TMCO4: variants seen among roughly 807,000 people sequenced by gnomAD.
The protein encoded by TMCO4 is transmembrane and coiled-coil domain-containing protein 4.
A neutral mutation model predicts 64.7 loss-of-function variants in TMCO4; 58 were observed. That is an observed-to-expected ratio of 0.90 (90% CI 0.73 to 1.12). The LOEUF is 1.12. TMCO4 is among the 50% of genes most tolerant of loss of function. The pLI, the probability that TMCO4 is intolerant of heterozygous loss-of-function variation, is 0.00. For synonymous variants in TMCO4, 325 were observed against 346.1 expected (o/e 0.94, Z 0.68); for missense variants, 780 against 825.9 (o/e 0.94, Z 0.68).
At chr1:19,765,023 G>C (rs1453122712) in intron 6 of TMCO4, among the ~76,000 whole-genome samples, 2 of 152,098 alleles carry the variant, frequency 1.3e-5, no homozygotes, top group African/African-American at 4.8e-5. Context: ...GTCTGCGGTA[G>C]AGAGTGCCGT....
chr1:19,684,705 C>T (rs1304174123), intron 15 of TMCO4, among the ~76,000 whole-genome samples: 1 of 152,148 alleles, frequency 6.6e-6, no homozygotes, highest in Non-Finnish European at 1.5e-5. Context: ...TAGCTGGGCA[C>T]ACTCCCCAGG....
intron 2 of TMCO4, among the ~76,000 whole-genome samples, chr1:19,796,050 A>G (rs2044292006): frequency 6.6e-6 from 1 of 152,178 alleles, no homozygotes; most frequent in African/African-American, 2.4e-5. Flanking sequence ...CCCTGTCCAA[A>G]TAGTGCCCTT....
At chr1:19,727,068 G>T (rs1033780029) in intron 13 of TMCO4, among the ~76,000 whole-genome samples, 1 of 152,240 alleles carries the variant, frequency 6.6e-6, no homozygotes, top group East Asian at 1.9e-4. Context: ...GTTCAGCCCC[G>T]GATGGGTTTC....
intron 7 of TMCO4, among the ~76,000 whole-genome samples, chr1:19,755,123 TTTC>T (rs1266429497): frequency 5.9e-4 from 90 of 152,110 alleles, no homozygotes; most frequent in African/African-American, 2.1e-3. Flanking sequence ...CATTCCATCT[TTTC>T]TTTTCTTTTC....
At chr1:19,731,622 C>T (rs548525649) in intron 13 of TMCO4, among the ~76,000 whole-genome samples, 18 of 152,338 alleles carry the variant, frequency 1.2e-4, no homozygotes, top group African/African-American at 4.1e-4. Flanking sequence ...TGTACCTTGC[C>T]GCGTCCTGCA....
intron 7 of TMCO4, among the ~76,000 whole-genome samples, chr1:19,753,724 A>G (rs1165359176): frequency 6.6e-6 from 1 of 152,212 alleles, no homozygotes; most frequent in Non-Finnish European, 1.5e-5. Flanking sequence ...AGCAGAATCA[A>G]ACTGAGAGCC....
At chr1:19,711,082 T>A (rs2095328708) in intron 13 of TMCO4, among the ~76,000 whole-genome samples, 2 of 152,206 alleles carry the variant, frequency 1.3e-5, no homozygotes, top group African/African-American at 4.8e-5. Context: ...AATAGAACTT[T>A]GAGAAATATA....
intron 14 of TMCO4, among the ~76,000 whole-genome samples, chr1:19,697,499 T>A (rs2095244492): frequency 6.6e-6 from 1 of 151,982 alleles, no homozygotes; most frequent in South Asian, 2.1e-4. Context: ...AGTGGCACGA[T>A]CTTGGCTCAC....
chr1:19,784,757 A>G lies in TMCO4; in HGVS notation c.-9+2269T>C, dbSNP rs115005016. On this transcript the variant is annotated intron_variant, in intron 3 of 15. Coordinates refer to ENST00000294543, the MANE Select transcript of TMCO4 (RefSeq NM_181719.7). ...TATGATGGCCTAAGAGGGGTGTCCA[A>G]TCTTTTGGCTTCCCTGGGCTACACT... 9.4e-3 allele frequency among the ~76,000 whole-genome samples: 1,176 copies of G among 124,996 alleles called. 18 individuals are homozygous for G. The highest frequency in any genetic ancestry group is 0.035 in the African/African-American group (1,103 of 31,832). The allele number at this position is 124,996 out of a possible 152,430, so 82.0% of individuals were successfully genotyped here.
chr1:19,745,562 C>A lies in TMCO4; in HGVS notation c.847G>T (p.Val283Phe), dbSNP rs749302097. ...TTGCCAGAAGCGAGCCACCCCGTGACGGCGATGGTGATGTGCAGCTGCCTG... is the reference window on the plus strand; with the variant it reads ...TTGCCAGAAGCGAGCCACCCCGTGAAGGCGATGGTGATGTGCAGCTGCCTG... ...EGRQLHITIA[V>F]TGWLASGKYR... is the part of the protein sequence containing the mutation. The change falls in exon 10 of 16, where the codon GTC becomes TTC. Residue 283 changes from valine to phenylalanine, a missense_variant. Coordinates refer to ENST00000294543, the MANE Select transcript of TMCO4 (RefSeq NM_181719.7). 1 of 1,614,168 alleles carries A rather than the reference C, an allele frequency of 6.2e-7. No homozygotes were observed. The highest frequency in any genetic ancestry group is 2.2e-5 in the East Asian group (1 of 44,870).
At chr1:19,762,535 C>A (rs2042552507) in intron 6 of TMCO4, among the ~76,000 whole-genome samples, 1 of 152,212 alleles carries the variant, frequency 6.6e-6, no homozygotes, top group African/African-American at 2.4e-5. Context: ...GCTGTGTGTT[C>A]ATGATGGGAC....
intron 15 of TMCO4, among the ~76,000 whole-genome samples, chr1:19,686,915 T>G (rs16822721): frequency 0.027 from 4,114 of 152,058 alleles, 201 homozygotes; most frequent in African/African-American, 0.095. Flanking sequence ...CTTTTGATAT[T>G]ATGTTCCTAT....
intron 13 of TMCO4, among the ~76,000 whole-genome samples, chr1:19,719,300 C>G (rs141630850): frequency 6.6e-6 from 1 of 152,300 alleles, no homozygotes; most frequent in East Asian, 1.9e-4. Flanking sequence ...CAGAAGAAGT[C>G]AGGTTGAGAT....
chr1:19,784,821 A>G (rs1571032519), intron 3 of TMCO4, among the ~76,000 whole-genome samples: 1 of 148,174 alleles, frequency 6.7e-6, no homozygotes, highest in Non-Finnish European at 1.5e-5. Context: ...GAAATACACT[A>G]ACATTAAATG....
Position 19,780,871 on chromosome 1 carries a change from C to T in TMCO4, c.-8-105G>A, listed in dbSNP as rs2043441196. On this transcript the variant is annotated intron_variant, in intron 3 of 15. Coordinates refer to ENST00000294543, the MANE Select transcript of TMCO4 (RefSeq NM_181719.7). ...CATAAAAGGTTGATAAAGTAGGCAT[C>T]ATTAAAATGAAGAACTTCTTTTCAT... 31 of 976,230 alleles carry T rather than the reference C, an allele frequency of 3.2e-5. 2 individuals are homozygous for T. The South Asian group carries it at 5.0e-4, about 16-fold the overall frequency. 60.5% of individuals were successfully genotyped at this position (976,230 alleles called of 1,614,324 possible).
intron 13 of TMCO4, 74 bp from the exon 14 acceptor site, chr1:19,700,959 TGGA>T (rs1190648757): frequency 1.6e-5 from 19 of 1,165,992 alleles, no homozygotes; most frequent in Middle Eastern, 2.0e-4. Flanking sequence ...CCAACAGCAG[TGGA>T]GGAGATGAAT....
At chr1:19,785,453 C>T (rs984216903) in intron 3 of TMCO4, among the ~76,000 whole-genome samples, 7 of 152,110 alleles carry the variant, frequency 4.6e-5, no homozygotes, top group Non-Finnish European at 7.3e-5. Flanking sequence ...TGCCACACCC[C>T]GAGCTTTCTG....
At chr1:19,774,558 A>C (rs532562719) in intron 4 of TMCO4, among the ~76,000 whole-genome samples, 3 of 152,346 alleles carry the variant, frequency 2.0e-5, no homozygotes, top group African/African-American at 7.2e-5. Context: ...TGAATTAAAA[A>C]AAATATATAT....
chr1:19,776,673 G>C (rs1187358599), intron 4 of TMCO4, among the ~76,000 whole-genome samples: 1 of 152,162 alleles, frequency 6.6e-6, no homozygotes, highest in Non-Finnish European at 1.5e-5. Flanking sequence ...CTCTGAAACA[G>C]TAATTCCCCA....
Sources: gnomAD v4.1 joint callset for allele counts (sites outside exome capture counted in the v4.1 genomes callset) on GRCh38, gnomAD v4.1.1 for gene constraint, MANE v1.5 for transcripts, NCBI Gene and HGNC (gene_info 2026-07-23, HGNC 2026-07-21) for gene names.